The following TECRL variants were observed in gnomAD, a reference collection of about 807,000 sequenced individuals.
TECRL encodes trans-2,3-enoyl-CoA reductase like.
TECRL carries 63 observed loss-of-function variants against 52.8 expected under a neutral mutation model. The observed-to-expected ratio is 1.19, with a 90% CI of 0.97 to 1.47. The LOEUF (loss-of-function observed/expected upper bound fraction) is 1.47, where lower values mean the gene tolerates loss of function less well. Among genes scored for constraint, TECRL ranks in the 40% most tolerant of loss-of-function variants. The pLI, the probability that TECRL is intolerant of heterozygous loss-of-function variation, is 0.00. For missense variants in TECRL, 482 were observed against 429.6 expected (o/e 1.12, Z -1.08); for synonymous variants, 164 against 141.9 (o/e 1.16, Z -1.10).
intron 2 of TECRL, among the ~76,000 whole-genome samples, chr4:64,371,174 A>G (rs2109659551): frequency 6.6e-6 from 1 of 151,720 alleles, no homozygotes; most frequent in Admixed American, 6.6e-5. Context: ...AAAACAAAGC[A>G]CTTTTAACTA....
chr4:64,331,132 T>C (rs900596655), intron 2 of TECRL, among the ~76,000 whole-genome samples: 1 of 152,102 alleles, frequency 6.6e-6, no homozygotes, highest in African/African-American at 2.4e-5. Flanking sequence ...CAGATACACA[T>C]ATTTAATTAA....
At chr4:64,313,714 C>T (rs1463760792) in intron 5 of TECRL, among the ~76,000 whole-genome samples, 1 of 150,556 alleles carries the variant, frequency 6.6e-6, no homozygotes, top group African/African-American at 2.4e-5. Flanking sequence ...ATCTCCTGAC[C>T]TTGTGATCCA....
chr4:64,334,044 A>AAAAAAAAAG (rs1560507056), intron 2 of TECRL, among the ~76,000 whole-genome samples: 1 of 119,444 alleles, frequency 8.4e-6, no homozygotes. Context: ...AAAAAAAAAA[A>AAAAAAAAAG]AAAAAGAAAA....
chr4:64,285,851 G>T (rs1723052861), intron 9 of TECRL, among the ~76,000 whole-genome samples: 1 of 151,994 alleles, frequency 6.6e-6, no homozygotes, highest in East Asian at 1.9e-4. Flanking sequence ...TCATGTGGAA[G>T]CTTAAAAGGG....
chr4:64,400,613 G>C (rs903377271), intron 1 of TECRL, among the ~76,000 whole-genome samples: 1 of 152,086 alleles, frequency 6.6e-6, no homozygotes, highest in Admixed American at 6.6e-5. Context: ...ATTGGATCAT[G>C]GGGGAAGATT....
chr4:64,350,678 C>A (rs551347916), intron 2 of TECRL, among the ~76,000 whole-genome samples: 1 of 152,058 alleles, frequency 6.6e-6, no homozygotes, highest in South Asian at 2.1e-4. Context: ...AGACTGATCT[C>A]CTTTGAAGAA....
chr4:64,367,081 G>T (rs1226610751), intron 2 of TECRL, among the ~76,000 whole-genome samples: 1 of 152,096 alleles, frequency 6.6e-6, no homozygotes, highest in Non-Finnish European at 1.5e-5. Context: ...TATGTCCTTT[G>T]CATCAACATG....
intron 2 of TECRL, among the ~76,000 whole-genome samples, chr4:64,355,794 C>CAAAAAAAAAAA (rs1161940429): frequency 8.4e-6 from 1 of 119,728 alleles, no homozygotes; most frequent in African/African-American, 3.2e-5. Flanking sequence ...GACTCTGTCT[C>CAAAAAAAAAAA]AAAAAAAAAA....
intron 9 of TECRL, among the ~76,000 whole-genome samples, chr4:64,282,035 T>G (rs1378957027): frequency 1.3e-5 from 2 of 151,920 alleles, no homozygotes; most frequent in African/African-American, 4.8e-5. Context: ...TTTATAAAGA[T>G]GTCATTTATA....
intron 1 of TECRL, among the ~76,000 whole-genome samples, chr4:64,390,789 T>A (rs996858598): frequency 1.3e-4 from 19 of 151,780 alleles, no homozygotes; most frequent in Non-Finnish European, 1.6e-4. Context: ...TTTCAAAAAT[T>A]TAGAGCACTT....
chr4:64,296,421 A>G (rs1170279743), intron 8 of TECRL, among the ~76,000 whole-genome samples: 1 of 151,876 alleles, frequency 6.6e-6, no homozygotes, highest in East Asian at 1.9e-4. Context: ...ATAATTTTAA[A>G]ACACCTAAGT....
intron 2 of TECRL, among the ~76,000 whole-genome samples, chr4:64,344,468 A>G (rs1719809530): frequency 6.6e-6 from 1 of 152,170 alleles, no homozygotes; most frequent in Admixed American, 6.6e-5. Context: ...TAAATTATGG[A>G]AAAGGTAGCA....
downstream of TECRL, among the ~76,000 whole-genome samples, chr4:64,277,297 C>T (rs1333830928): frequency 2.0e-5 from 3 of 151,732 alleles, no homozygotes; most frequent in East Asian, 5.8e-4. Context: ...TTGTCAGGAT[C>T]GAGTTACAAA....
At chr4:64,386,410 G>C (rs1461985481) in intron 1 of TECRL, among the ~76,000 whole-genome samples, 1 of 152,132 alleles carries the variant, frequency 6.6e-6, no homozygotes, top group South Asian at 2.1e-4. Flanking sequence ...ATGAGGGTTT[G>C]GTTGTTGTCT....
rs1385753738 is a variant in TECRL, at chr4:64,277,828, G to C, written c.*2244C>G. On this transcript the variant is annotated 3_prime_UTR_variant, in exon 12 of 12. Transcript: ENST00000381210. ...AATTTTTTTAAATATTTTAAATAATGTGTACTTTGATTTATATAGGTCATC... is the reference window on the plus strand; with the variant it reads ...AATTTTTTTAAATATTTTAAATAATCTGTACTTTGATTTATATAGGTCATC... 1 of 151,528 alleles carries C rather than the reference G, an allele frequency of 6.6e-6. No individual in the cohort carries two copies. The highest frequency in any genetic ancestry group is 1.5e-5 in the Non-Finnish European group (1 of 67,734). 9.4% of individuals were successfully genotyped at this position (151,528 alleles called of 1,614,324 possible).
At chr4:64,289,880 A>G (rs1439389977) in intron 8 of TECRL, 113 bp from the exon 9 acceptor site, 1 of 600,024 alleles carries the variant, frequency 1.7e-6, no homozygotes, top group African/African-American at 1.9e-5. Context: ...AAGATTCAAA[A>G]GATATATATT....
chr4:64,347,473 T>C (rs1369397482), intron 2 of TECRL, among the ~76,000 whole-genome samples: 2 of 152,184 alleles, frequency 1.3e-5, no homozygotes, highest in Non-Finnish European at 2.9e-5. Context: ...TTCACACAAC[T>C]GTAAAGATAC....
intron 2 of TECRL, among the ~76,000 whole-genome samples, chr4:64,367,444 T>C (rs559155919): frequency 3.9e-5 from 6 of 152,158 alleles, no homozygotes; most frequent in African/African-American, 1.2e-4. Flanking sequence ...CAATCATTAA[T>C]ACATTCCAGA....
intron 1 of TECRL, among the ~76,000 whole-genome samples, chr4:64,408,164 T>G (rs1724851958): frequency 6.6e-6 from 1 of 151,858 alleles, no homozygotes; most frequent in African/African-American, 2.4e-5. Context: ...ATATATTATG[T>G]GCTTGGCAAT....
Sources: gnomAD v4.1 joint callset for allele counts (sites outside exome capture counted in the v4.1 genomes callset) on GRCh38, gnomAD v4.1.1 for gene constraint, MANE v1.5 for transcripts, NCBI Gene and HGNC (gene_info 2026-07-23, HGNC 2026-07-21) for gene names.